Variants in AKR1C1 observed in about 807,000 individuals in gnomAD.
The protein encoded by AKR1C1 is aldo-keto reductase family 1 member C1, also known as 20 alpha-hydroxysteroid dehydrogenase.
A neutral mutation model predicts 40.6 loss-of-function variants in AKR1C1; 32 were observed. The ratio of observed to expected loss-of-function variants is 0.79; its 90% CI spans 0.60 to 1.06. The LOEUF is 1.06. AKR1C1 is among the 50% of genes least tolerant of loss of function. The probability of loss-of-function intolerance (pLI) is 0.00; values close to 1 mark genes in which losing one functional copy is unlikely to be tolerated. For synonymous variants in AKR1C1, 105 were observed against 134.2 expected (o/e 0.78, Z 1.50); for missense variants, 320 against 363.5 (o/e 0.88, Z 0.97).
rs369691968 is a variant in AKR1C1, at chr10:4,969,585, GC to G, written c.570+646del. 61 of 1,457,590 alleles carry G rather than the reference GC, an allele frequency of 4.2e-5. No homozygotes were observed. In the African/African-American group the frequency reaches 7.5e-4, roughly 18 times the overall value. 90.3% of individuals were successfully genotyped at this position (1,457,590 alleles called of 1,614,324 possible). On this transcript the variant is annotated intron_variant, in intron 5 of 8. Transcript: ENST00000380872. ...CAGAACATGGAGCTGACCTATGACT[GC>G]CCCCGCTCCTAGTTGGCTGCTCTTC...
At chr10:4,966,894 C>A in intron 2 of AKR1C1, 33 bp from the exon 3 acceptor site, 1 of 1,578,264 alleles carries the variant, frequency 6.3e-7, no homozygotes, top group Non-Finnish European at 8.6e-7. Context: ...CTCAAGTTTT[C>A]ATTACACAAC....
rs114854081 is a variant in AKR1C1 at position 4,976,238 on chromosome 10, T to A, written c.929+305T>A. 2.2e-3 allele frequency among the ~76,000 whole-genome samples: 331 copies of A among 152,364 alleles called. 4 individuals are homozygous for A. Among genetic ancestry groups the A allele is most frequent in the African/African-American group, 7.8e-3 (326 of 41,584 alleles). ...TAGGCCTGCTGTTTGTGCTACTGTC[T>A]AGTGTACACACTGTGGATATTGCCC... On this transcript the variant is annotated intron_variant, in intron 8 of 8. Coordinates refer to ENST00000380872, the MANE Select transcript of AKR1C1 (RefSeq NM_001353.6).
At position 4,979,827 on chromosome 10, in the gene AKR1C1, C is replaced by A. The variant is rs1371123251; in HGVS notation, c.*2085C>A. 6.6e-6 allele frequency: 1 copy of A among 151,100 alleles called. No homozygotes were observed. Among genetic ancestry groups the A allele is most frequent in the Non-Finnish European group, 1.5e-5 (1 of 67,808 alleles). The allele number at this position is 151,100 out of a possible 1,614,324, so 9.4% of individuals were successfully genotyped here. ...TAGGGACCTCCAATCACTAATTTTC[C>A]TATTTTTTCTCTCAAAGAAATGCTG... On this transcript the variant is annotated 3_prime_UTR_variant, in exon 9 of 9. Coordinates refer to ENST00000380872, the MANE Select transcript of AKR1C1 (RefSeq NM_001353.6).
chr10:4,969,581 G>C, intron 5 of AKR1C1: 1 of 1,427,992 alleles, frequency 7.0e-7, no homozygotes, highest in Non-Finnish European at 9.7e-7. Context: ...GCTGACCTAT[G>C]ACTGCCCCCG....
intron 5 of AKR1C1, among the ~76,000 whole-genome samples, chr10:4,970,972 AAC>A (rs1372913652): frequency 4.0e-5 from 6 of 151,194 alleles, no homozygotes; most frequent in African/African-American, 1.5e-4. Context: ...AAAAAAAAAA[AAC>A]TTGGTTAAGC....
chr10:4,966,630 G>A (rs117795769), intron 2 of AKR1C1, among the ~76,000 whole-genome samples: 3,186 of 152,272 alleles, frequency 0.021, 50 homozygotes, highest in Non-Finnish European at 0.027. Flanking sequence ...ACTAACATGA[G>A]TTGTAAAACT....
intron 5 of AKR1C1, chr10:4,969,867 T>C (rs1836396357): frequency 3.8e-6 from 3 of 780,214 alleles, no homozygotes; most frequent in Non-Finnish European, 6.0e-6. Context: ...ACAGTGGAAA[T>C]ACATATGTAT....
At chr10:4,968,285 C>G in intron 3 of AKR1C1, 24 bp from the exon 4 acceptor site, 1 of 1,469,790 alleles carries the variant, frequency 6.8e-7, no homozygotes, top group South Asian at 1.4e-5. Context: ...TGTGACATCA[C>G]TAAACTGACT....
intron 1 of AKR1C1, among the ~76,000 whole-genome samples, chr10:4,964,531 A>G (rs1046769942): frequency 1.2e-4 from 19 of 152,220 alleles, no homozygotes; most frequent in African/African-American, 3.4e-4. Flanking sequence ...TTGTAATTCT[A>G]TGGGAAAAAG....
In AKR1C1 at chr10:4,973,703, G is replaced by A. The variant is rs565467818; in HGVS notation, c.846+954G>A. On this transcript the variant is annotated intron_variant, in intron 7 of 8. Transcript: ENST00000380872. ...ACCAAGCAAGTGGATACAGGGACATGTGATTGTTAGAGGGCATGTTCCTAA... is the reference window on the plus strand; with the variant it reads ...ACCAAGCAAGTGGATACAGGGACATATGATTGTTAGAGGGCATGTTCCTAA... 1.5e-3 allele frequency among the ~76,000 whole-genome samples: 222 copies of A among 152,250 alleles called. 3 individuals carry two copies. The highest frequency in any genetic ancestry group is 5.2e-3 in the African/African-American group (216 of 41,550).
In AKR1C1 at chr10:4,973,166, C is replaced by CT. The variant is rs149589846; in HGVS notation, c.846+428dup. Reference sequence around the variant, plus strand: ...TTGCGAAGTGCTTGTTTAACTCTGCCTTTTTTTTTTTGGCGAGGTGGTTGT... The same window carrying CT: ...TTGCGAAGTGCTTGTTTAACTCTGCCTTTTTTTTTTTTGGCGAGGTGGTTGT... On this transcript the variant is annotated intron_variant, in intron 7 of 8. Coordinates refer to ENST00000380872, the MANE Select transcript of AKR1C1 (RefSeq NM_001353.6). 4.0e-3 allele frequency among the ~76,000 whole-genome samples: 545 copies of CT among 137,882 alleles called. 3 individuals carry two copies. Among genetic ancestry groups the CT allele is most frequent in the Middle Eastern group, 0.011 (3 of 268 alleles). 90.5% of individuals were successfully genotyped at this position (137,882 alleles called of 152,430 possible).
chr10:4,965,971 C>A lies in AKR1C1; in HGVS notation c.142C>A (p.His48Asn). 1 of 1,614,186 alleles carries A rather than the reference C, an allele frequency of 6.2e-7. No homozygotes were observed. Among genetic ancestry groups the A allele is most frequent in the Non-Finnish European group, 8.5e-7 (1 of 1,180,012 alleles). The change falls in exon 2 of 9, where the codon CAT becomes AAT. Residue 48 changes from histidine (H) to asparagine (N), a missense_variant. This residue lies in a region of AKR1C1 where 214 missense variants were observed against 214.8 expected (regional missense o/e 1.00). Coordinates refer to ENST00000380872, the MANE Select transcript of AKR1C1 (RefSeq NM_001353.6). ...TKLAIEAGFR[H>N]IDSAHLYNNE... ...ATTGGCAATTGAAGCTGGCTTCCGC[C>A]ATATTGATTCTGCTCATTTATACAA...
intron 1 of AKR1C1, 158 bp from the exon 2 acceptor site, chr10:4,965,756 G>T: frequency 1.2e-6 from 1 of 815,046 alleles, no homozygotes; most frequent in Non-Finnish European, 1.8e-6. Context: ...ATTACTAACT[G>T]GGAAAGACCC....
intron 3 of AKR1C1, 111 bp downstream of exon 3, chr10:4,967,154 T>C (rs1836346378): frequency 8.2e-7 from 1 of 1,221,940 alleles, no homozygotes; most frequent in Non-Finnish European, 1.2e-6. Flanking sequence ...GATTATAACA[T>C]AGAAGAAGAA....
chr10:4,968,794 T>C, intron 4 of AKR1C1, 28 bp from the exon 5 acceptor site: 1 of 1,612,608 alleles, frequency 6.2e-7, no homozygotes, highest in Non-Finnish European at 8.5e-7. Context: ...ATCTTGATCT[T>C]CCACACCTCA....
At chr10:4,968,036 A>G (rs1168475954) in intron 3 of AKR1C1, 1 of 387,118 alleles carries the variant, frequency 2.6e-6, no homozygotes, top group Non-Finnish European at 4.8e-6. Flanking sequence ...ATAGGAGCAG[A>G]AGAAAGTCAA....
intron 1 of AKR1C1, among the ~76,000 whole-genome samples, chr10:4,964,115 A>T (rs964047960): frequency 5.3e-5 from 8 of 152,234 alleles, no homozygotes; most frequent in African/African-American, 1.9e-4. Context: ...TTCTTTGTTA[A>T]TATGGGTCAA....
At position 4,975,423 on chromosome 10, in the gene AKR1C1, T is replaced by C. The variant is rs1178889898; in HGVS notation, c.847-428T>C. Among the ~76,000 whole-genome samples the C allele has an allele frequency of 2.0e-5, 3 of 152,230 alleles. No homozygotes were observed. In the East Asian group the frequency reaches 5.8e-4, roughly 29 times the overall value. On this transcript the variant is annotated intron_variant, in intron 7 of 8. Coordinates refer to ENST00000380872, the MANE Select transcript of AKR1C1 (RefSeq NM_001353.6). Reference sequence around the variant, plus strand: ...TAGACAATTATTGGCTTGAGTGATGTTGAAAACTAATTTTTCCTATTATAC... The same window carrying C: ...TAGACAATTATTGGCTTGAGTGATGCTGAAAACTAATTTTTCCTATTATAC...
In AKR1C1 at chr10:4,982,744, C is replaced by T. The variant is rs1164775242; in HGVS notation, c.*5002C>T. On this transcript the variant is annotated 3_prime_UTR_variant, in exon 9 of 9. Transcript: ENST00000380872. The stretch of plus-strand genomic sequence containing the variant: ...CCCACTGCTACCACCACAGCTGGTG[C>T]TCTTTTGCAAGTGCCACCTCCTAGC... 2.1e-5 allele frequency: 6 copies of T among 284,066 alleles called. No homozygotes were observed. The highest frequency in any genetic ancestry group is 1.2e-4 in the East Asian group (1 of 8,572). 17.6% of individuals were successfully genotyped at this position (284,066 alleles called of 1,614,324 possible). A position where few individuals can be genotyped will look rare whatever the true frequency, so the allele number is the denominator to read the frequency against.
Sources: gnomAD v4.1 joint callset for allele counts (sites outside exome capture counted in the v4.1 genomes callset) on GRCh38, gnomAD v4.1.1 for gene constraint, gnomAD v4.1.1 regional missense constraint, MANE v1.5 for transcripts, NCBI Gene and HGNC (gene_info 2026-07-23, HGNC 2026-07-21) for gene names.